TENM2: variants seen among roughly 807,000 people sequenced by gnomAD.
TENM2 encodes the protein teneurin-2.
Under a neutral mutation model 245.2 loss-of-function variants are expected in TENM2, and 52 were observed. That is an observed-to-expected ratio of 0.21 (90% confidence interval 0.17 to 0.27). TENM2 has a LOEUF of 0.27. Among genes scored for constraint, TENM2 ranks in the 10% least tolerant of loss-of-function variants. The probability of loss-of-function intolerance (pLI) is 1.00; values close to 1 mark genes in which losing one functional copy is unlikely to be tolerated. For synonymous variants in TENM2, 1,363 were observed against 1,438.9 expected (o/e 0.95, Z 1.19); for missense variants, 3,046 against 3,666.8 (o/e 0.83, Z 4.37).
chr5:167,287,074 T>C (rs1754315135), intron 1 of TENM2, among the ~76,000 whole-genome samples: 1 of 152,242 alleles, frequency 6.6e-6, no homozygotes, highest in African/African-American at 2.4e-5. Flanking sequence ...AGAAGGTATT[T>C]GCATATGCAA....
At chr5:167,691,838 G>A (rs1301327116) in intron 2 of TENM2, among the ~76,000 whole-genome samples, 1 of 152,170 alleles carries the variant, frequency 6.6e-6, no homozygotes, top group Non-Finnish European at 1.5e-5. Context: ...AGGAAGAGAG[G>A]TTGGGGGCAT....
chr5:167,753,725 C>T (rs970494593), intron 2 of TENM2, among the ~76,000 whole-genome samples: 2 of 152,176 alleles, frequency 1.3e-5, no homozygotes, highest in Admixed American at 6.5e-5. Context: ...GAGGCTTAAA[C>T]ATGCTGACAT....
the TENM2 span, among the ~76,000 whole-genome samples, chr5:167,180,650 A>C: frequency 3.0e-4 from 45 of 152,314 alleles, 1 homozygote; most frequent in East Asian, 8.1e-3. Context: ...TAACATCAGT[A>C]GTCAATTAAC....
chr5:167,381,621 T>C (rs1581894224), intron 2 of TENM2, among the ~76,000 whole-genome samples: 1 of 152,186 alleles, frequency 6.6e-6, no homozygotes, highest in African/African-American at 2.4e-5. Context: ...TTAGAAGCAG[T>C]AGCAGTTCTG....
the TENM2 span, among the ~76,000 whole-genome samples, chr5:167,041,374 T>G: frequency 6.6e-6 from 1 of 152,140 alleles, no homozygotes; most frequent in African/African-American, 2.4e-5. Context: ...TACCAATGCT[T>G]AGAGAAGCAG....
chr5:167,712,661 G>A (rs1297721026), intron 2 of TENM2, among the ~76,000 whole-genome samples: 2 of 152,104 alleles, frequency 1.3e-5, no homozygotes, highest in Non-Finnish European at 2.9e-5. Flanking sequence ...AGAAATATAA[G>A]CATAGCTTCA....
At chr5:168,033,470 A>T (rs1179588409) in intron 5 of TENM2, among the ~76,000 whole-genome samples, 1 of 152,152 alleles carries the variant, frequency 6.6e-6, no homozygotes, top group Non-Finnish European at 1.5e-5. Context: ...TTTAATGATC[A>T]ATGAGAAATG....
intron 5 of TENM2, among the ~76,000 whole-genome samples, chr5:168,032,306 A>C (rs962945913): frequency 6.6e-6 from 1 of 152,242 alleles, no homozygotes; most frequent in African/African-American, 2.4e-5. Flanking sequence ...CGTGTTAGCT[A>C]TGATTCTTAC....
At chr5:167,847,268 C>T (rs1017678125) in intron 2 of TENM2, among the ~76,000 whole-genome samples, 4 of 152,172 alleles carry the variant, frequency 2.6e-5, no homozygotes, top group African/African-American at 7.2e-5. Context: ...CTATCTTTAT[C>T]CCACATAAAT....
the TENM2 span, among the ~76,000 whole-genome samples, chr5:167,108,904 G>A: frequency 1.6e-4 from 24 of 152,276 alleles, no homozygotes; most frequent in East Asian, 4.5e-3. Flanking sequence ...TATCTGAAAG[G>A]CACATGCTTT....
At chr5:167,149,171 C>T in the TENM2 span, among the ~76,000 whole-genome samples, 1 of 152,004 alleles carries the variant, frequency 6.6e-6, no homozygotes, top group African/African-American at 2.4e-5. Flanking sequence ...CTCCCCCCTC[C>T]ACCCACCCTA....
At chr5:167,037,146 C>T in the TENM2 span, among the ~76,000 whole-genome samples, 1 of 152,184 alleles carries the variant, frequency 6.6e-6, no homozygotes, top group Non-Finnish European at 1.5e-5. Context: ...AGATTGGGTG[C>T]ATAATGAATA....
chr5:167,971,368 T>TAGA (rs70976454), intron 4 of TENM2, among the ~76,000 whole-genome samples: 107,165 of 151,370 alleles, frequency 0.71, 38,759 homozygotes, highest in East Asian at 0.99. Flanking sequence ...TAGAAAATAT[T>TAGA]AGAAGGAGTC....
chr5:167,392,894 C>T (rs756632955), intron 2 of TENM2, among the ~76,000 whole-genome samples: 12 of 151,974 alleles, frequency 7.9e-5, no homozygotes, highest in African/African-American at 1.9e-4. Context: ...CCTCTCCATG[C>T]GGGTGGATCA....
the TENM2 span, among the ~76,000 whole-genome samples, chr5:167,124,889 G>T: frequency 6.6e-6 from 1 of 152,152 alleles, no homozygotes; most frequent in African/African-American, 2.4e-5. Context: ...AGGAGCAGCA[G>T]CAACGTTCTA....
At chr5:167,522,474 G>A (rs1289154809) in intron 2 of TENM2, among the ~76,000 whole-genome samples, 1 of 152,024 alleles carries the variant, frequency 6.6e-6, no homozygotes, top group African/African-American at 2.4e-5. Flanking sequence ...TGTGATTTTG[G>A]ACCCCTCATT....
At chr5:167,008,188 C>T in the TENM2 span, among the ~76,000 whole-genome samples, 1 of 152,168 alleles carries the variant, frequency 6.6e-6, no homozygotes, top group Admixed American at 6.5e-5. Flanking sequence ...ACTGGGATTT[C>T]TGTAGTTTAT....
intron 2 of TENM2, among the ~76,000 whole-genome samples, chr5:167,419,752 C>T (rs1763381745): frequency 6.6e-6 from 1 of 152,210 alleles, no homozygotes; most frequent in African/African-American, 2.4e-5. Flanking sequence ...TGCAACTTCT[C>T]TTCAGTAAAC....
the TENM2 span, among the ~76,000 whole-genome samples, chr5:167,166,086 A>C: frequency 6.6e-6 from 1 of 152,230 alleles, no homozygotes; most frequent in African/African-American, 2.4e-5. Context: ...ATGAATAGGG[A>C]AAGCTTTTGT....
Sources: allele counts gnomAD v4.1 joint callset (sites outside exome capture counted in the v4.1 genomes callset), GRCh38; gene constraint gnomAD v4.1.1; transcripts MANE v1.5; gene names NCBI Gene and HGNC (gene_info 2026-07-23, HGNC 2026-07-21).